The following TTN variants were observed in gnomAD, a reference collection of about 807,000 sequenced individuals.
TTN encodes titin.
Under a neutral mutation model 3,223.0 loss-of-function variants are expected in TTN, and 1,525 were observed. The observed-to-expected ratio is 0.47, with a 90% confidence interval of 0.45 to 0.49. The LOEUF is 0.49. Ranked by LOEUF, TTN falls within the 20% of genes least tolerant of loss-of-function variation. The probability of loss-of-function intolerance (pLI) is 0.00; values close to 1 mark genes in which losing one functional copy is unlikely to be tolerated. For synonymous variants in TTN, 14,094 were observed against 15,161.0 expected, an observed-to-expected ratio of 0.93 and a Z score of 5.17; for missense variants, 40,786 against 43,424.0, an observed-to-expected ratio of 0.94 and a Z score of 5.40.
Position 178,573,466 on chromosome 2 carries a change from G to A in TTN, c.72666C>T (p.Pro24222=), listed in dbSNP as rs1575775240. The A allele has an allele frequency of 1.3e-6, 2 of 1,509,928 alleles. No individual in the cohort carries two copies. The highest frequency in any genetic ancestry group is 4.6e-5 in the East Asian group (2 of 43,504). The allele number at this position is 1,509,928 out of a possible 1,614,324, so 93.5% of individuals were successfully genotyped here. Residue 24222 remains proline, a synonymous_variant, in exon 326 of 363, where the codon CCC becomes CCT. Transcript: ENST00000589042. ...CTTCAGGGTTTTTGGGCGGATCAGGGGGTCCATAAGGATTCACTGCAAGCA... is the reference window on the plus strand; with the variant it reads ...CTTCAGGGTTTTTGGGCGGATCAGGAGGTCCATAAGGATTCACTGCAAGCA... ...EPVLAVNPYG[P]PDPPKNPEVT...
intron 250 of TTN, chr2:178,619,069 G>T (rs2057848827): frequency 3.2e-6 from 2 of 621,952 alleles, no homozygotes; most frequent in Non-Finnish European, 5.3e-6. Flanking sequence ...ATTGAGAATG[G>T]CATAAAATCA....
intron 47 of TTN, chr2:178,745,205 G>A (rs970581045): frequency 1.2e-5 from 12 of 1,036,046 alleles, no homozygotes; most frequent in African/African-American, 6.8e-5. Flanking sequence ...CATCTGATAT[G>A]GTCTCCACTT....
At position 178,753,179 on chromosome 2, in the gene TTN, A is replaced by G. The variant is rs375859088; in HGVS notation, c.11256T>C (p.Ala3752=). 5.0e-6 allele frequency: 8 copies of G among 1,607,134 alleles called. No individual in the cohort carries two copies. Among genetic ancestry groups the G allele is most frequent in the Non-Finnish European group, 6.8e-6 (8 of 1,175,654 alleles). The change falls in exon 47 of 363, where the codon GCT becomes GCC. Residue 3752 remains alanine (A), a splice_region_variant and synonymous_variant. Transcript: ENST00000589042. ...TTSAVLSVEG[A]PESILHERIE... is the part of the protein sequence containing the mutation. Reference sequence around the variant, plus strand: ...TCCTCTCATGCAAAATTGATTCAGGAGCTAAAATAGAAAAACATATAAAGA... The same window carrying G: ...TCCTCTCATGCAAAATTGATTCAGGGGCTAAAATAGAAAAACATATAAAGA...
Position 178,583,006 on chromosome 2 carries a change from C to T in TTN, c.65797G>A (p.Asp21933Asn), listed in dbSNP as rs1453626597. ...LFSVNRKDSGDYTITAENSSG... is the reference protein window; with the variant it reads ...LFSVNRKDSGNYTITAENSSG... ...GAATTTTCAGCAGTAATGGTATAGT[C>T]TCCTGAGTCCTTCCGGTTCACGCTG... Residue 21933 changes from aspartate to asparagine, a missense_variant, in exon 313 of 363, where the codon GAC becomes AAC. Transcript: ENST00000589042. 6.3e-7 allele frequency: 1 copy of T among 1,599,766 alleles called. No homozygotes were observed. The highest frequency in any genetic ancestry group is 1.7e-5 in the Admixed American group (1 of 59,044).
Position 178,531,530 on chromosome 2 carries a change from A to G in TTN, c.105085T>C (p.Leu35029=), listed in dbSNP as rs374678473. The change falls in exon 358 of 363, where the codon TTG becomes CTG. Residue 35029 remains leucine (L), a synonymous_variant. Coordinates refer to ENST00000589042, the MANE Select transcript of TTN (RefSeq NM_001267550.2). ...GTATAATCCCCTCCTGTCACGTCCA[A>G]CGTTGCATAGTCAGAAGCTTCGCCC... The part of the protein sequence containing the change: ...YKGEASDYAT[L]DVTGGDYTTY... The G allele has an allele frequency of 1.2e-4, 188 of 1,613,874 alleles. 1 individual carries two copies. The highest frequency in any genetic ancestry group is 1.2e-3 in the South Asian group (106 of 91,078).
Position 178,536,192 on chromosome 2 carries a change from C to G in TTN, c.100555G>C (p.Val33519Leu). The part of the protein sequence containing the change: ...YQSNATLVCK[V>L]TGHPKPIVKW... ...ACGATAGGTTTTGGATGACCAGTCA[C>G]TTTGCAGACCAAGGTAGCATTGCTC... The change falls in exon 357 of 363, where the codon GTG becomes CTG. Residue 33519 changes from valine (V) to leucine (L), a missense_variant. Transcript: ENST00000589042. 2 of 1,613,508 alleles carry G rather than the reference C, an allele frequency of 1.2e-6. No individual in the cohort carries two copies. Among genetic ancestry groups the G allele is most frequent in the Non-Finnish European group, 1.7e-6 (2 of 1,179,606 alleles).
At position 178,547,791 on chromosome 2, in the gene TTN, T is replaced by A; in HGVS notation, c.93835A>T (p.Met31279Leu). ...AAGTATCTTCCAGAGTCACCTCTCA[T>A]GCTGTCCTTTACAGTCAGTGTGGTT... ...DRTTLTVKDSMRGDSGRYFLT... is the reference protein window; with the variant it reads ...DRTTLTVKDSLRGDSGRYFLT... Residue 31279 changes from methionine (M) to leucine (L), a missense_variant, in exon 339 of 363, where the codon ATG becomes TTG. By Grantham distance (15) the Met-to-Leu change is conservative. Transcript: ENST00000589042. 6.2e-7 allele frequency: 1 copy of A among 1,613,940 alleles called. No homozygotes were observed. Among genetic ancestry groups the A allele is most frequent in the East Asian group, 2.2e-5 (1 of 44,860 alleles).
At position 178,614,165 on chromosome 2, in the gene TTN, T is replaced by C; in HGVS notation, c.49232A>G (p.Lys16411Arg). ...LSSTVKDTNF[K>R]ATKLIPNKEY... ...TTTATTGGGGATTAATTTGGTGGCC[T>C]TGAAGTTTGTATCCTTGACGGTGGA... Residue 16411 changes from lysine (K) to arginine (R), a missense_variant, in exon 262 of 363, where the codon AAG (lysine) becomes AGG (arginine). Lys to Arg is a conservative substitution (Grantham distance 26). Coordinates refer to ENST00000589042, the MANE Select transcript of TTN (RefSeq NM_001267550.2). 1 of 1,612,500 alleles carries C rather than the reference T, an allele frequency of 6.2e-7. No individual in the cohort carries two copies. The highest frequency in any genetic ancestry group is 8.5e-7 in the Non-Finnish European group (1 of 1,179,220).
In TTN at chr2:178,593,474, C is replaced by T; in HGVS notation, c.58734G>A (p.Arg19578=). 1 of 1,604,966 alleles carries T rather than the reference C, an allele frequency of 6.2e-7. No individual in the cohort carries two copies. Among genetic ancestry groups the T allele is most frequent in the Non-Finnish European group, 8.5e-7 (1 of 1,177,950 alleles). ...SDSMKAKDRF[R]VPDAPDQPIV... Reference sequence around the variant, plus strand: ...TTGGCTGATCAGGTGCATCAGGAACCCCTGTAACAAATGTTGGAAAATGCG... The same window carrying T: ...TTGGCTGATCAGGTGCATCAGGAACTCCTGTAACAAATGTTGGAAAATGCG... The change falls in exon 299 of 363, where the codon AGG becomes AGA. Residue 19578 remains arginine, a splice_region_variant and synonymous_variant. Transcript: ENST00000589042.
chr2:178,803,590 TAGAAAAAAAG>T (rs915699366), intron 2 of TTN, among the ~76,000 whole-genome samples: 6 of 151,402 alleles, frequency 4.0e-5, no homozygotes, highest in Non-Finnish European at 8.8e-5. Flanking sequence ...GTGCATATAA[TAGAAAAAAAG>T]AGAAAAAAAG....
Position 178,607,125 on chromosome 2 carries a change from C to CTAA in TTN, c.53476_53477insTTA (p.Gly17826delinsValSer). The stretch of plus-strand genomic sequence containing the variant: ...CTTATATTCTTGTCCCTCAAGCAGA[C>CTAA]CTGTGATGTCACATTTAGATCTCTC... On this transcript the variant is annotated protein_altering_variant, in exon 278 of 363. Coordinates refer to ENST00000589042, the MANE Select transcript of TTN (RefSeq NM_001267550.2). 6.2e-7 allele frequency: 1 copy of CTAA among 1,612,876 alleles called. No homozygotes were observed. Among genetic ancestry groups the CTAA allele is most frequent in the Admixed American group, 1.7e-5 (1 of 59,966 alleles).
rs529233440 is a variant in TTN at position 178,649,244 on chromosome 2, G to A, written c.40057+4C>T. 1.8e-4 allele frequency: 272 copies of A among 1,500,210 alleles called. No individual in the cohort carries two copies. The highest frequency in any genetic ancestry group is 2.1e-4 in the Non-Finnish European group (240 of 1,129,654). The allele number at this position is 1,500,210 out of a possible 1,614,324, so 92.9% of individuals were successfully genotyped here. On this transcript the variant is annotated splice_donor_region_variant and intron_variant, in intron 213 of 362. Coordinates refer to ENST00000589042, the MANE Select transcript of TTN (RefSeq NM_001267550.2). ...GAAATCTATTTTTTCTTCATGGTAG[G>A]TACCTTTTTCTGGAAGAACTTCTGG...
At position 178,568,053 on chromosome 2, in the gene TTN, G is replaced by A; in HGVS notation, c.78079C>T (p.Leu26027=). Residue 26027 remains leucine, a synonymous_variant, in exon 326 of 363, where the codon CTG becomes TTG. Coordinates refer to ENST00000589042, the MANE Select transcript of TTN (RefSeq NM_001267550.2). ...NGGSPVIGYH[L]ERKERNSILW... The stretch of plus-strand genomic sequence containing the variant: ...ATACTGTTTCTTTCTTTTCTCTCCA[G>A]GTGGTAACCTATGACGGGGCTTCCA... The A allele has an allele frequency of 6.2e-7, 1 of 1,613,294 alleles. No homozygotes were observed. Among genetic ancestry groups the A allele is most frequent in the Non-Finnish European group, 8.5e-7 (1 of 1,179,576 alleles).
chr2:178,537,543 C>T lies in TTN; in HGVS notation c.99664G>A (p.Gly33222Ser), dbSNP rs926931010. The T allele has an allele frequency of 3.7e-6, 6 of 1,613,564 alleles. No individual in the cohort carries two copies. The African/African-American group carries it at 8.0e-5, about 22-fold the overall frequency. ...CAAGTCATGGCAGGTACTGGACGAC[C>T]AATGTACATAACATGAAGCCGAAGT... is the stretch of plus-strand genomic sequence containing the variant. ...STLRLHVMYI[G>S]RPVPAMTWFH... Residue 33222 changes from glycine (G) to serine (S), a missense_variant, in exon 355 of 363, where the codon GGT becomes AGT. Coordinates refer to ENST00000589042, the MANE Select transcript of TTN (RefSeq NM_001267550.2).
chr2:178,614,337 G>A lies in TTN; in HGVS notation c.49060C>T (p.Pro16354Ser), dbSNP rs747402071. The A allele has an allele frequency of 4.7e-5, 76 of 1,612,204 alleles. No homozygotes were observed. The highest frequency in any genetic ancestry group is 7.7e-5 in the South Asian group (7 of 90,970). ...VEVNVLDKPG[P>S]PAAFDITDVT... ...TCTGTGATGTCAAAGGCAGCTGGTG[G>A]TCCGGGTTTATCTGTGTATGGCATT... is the stretch of plus-strand genomic sequence containing the variant. Residue 16354 changes from proline (P) to serine (S), a missense_variant, in exon 262 of 363, where the codon CCA becomes TCA. Coordinates refer to ENST00000589042, the MANE Select transcript of TTN (RefSeq NM_001267550.2).
At chr2:178,747,070 T>G in intron 47 of TTN, 2 of 1,612,640 alleles carry the variant, frequency 1.2e-6, no homozygotes, top group Non-Finnish European at 1.7e-6. Context: ...GTGCCTCCCC[T>G]GGGGGTGTGG....
intron 47 of TTN, chr2:178,751,551 G>A (rs1345888183): frequency 1.2e-6 from 2 of 1,613,222 alleles, no homozygotes; most frequent in Admixed American, 3.3e-5. Flanking sequence ...ACATTTTCAT[G>A]TGTCCGTTCT....
chr2:178,739,889 T>A lies in TTN; in HGVS notation c.13344A>T (p.Ala4448=), dbSNP rs1409283526. 6.2e-7 allele frequency: 1 copy of A among 1,613,924 alleles called. No homozygotes were observed. The highest frequency in any genetic ancestry group is 1.3e-5 in the African/African-American group (1 of 75,062). ...TGGTTACTTCTTCTGTTACAGACTTTGCCGAAGTAACAAGGTACATGCACA... is the reference window on the plus strand; with the variant it reads ...TGGTTACTTCTTCTGTTACAGACTTAGCCGAAGTAACAAGGTACATGCACA... ...HIMCMYLVTS[A]KSVTEEVTII... Residue 4448 remains alanine (A), a synonymous_variant, in exon 48 of 363, where the codon GCA becomes GCT. Transcript: ENST00000589042.
At chr2:178,612,017 C>T in intron 267 of TTN, 40 bp downstream of exon 267, 1 of 1,602,662 alleles carries the variant, frequency 6.2e-7, no homozygotes, top group Non-Finnish European at 8.5e-7. Flanking sequence ...AATTTGCAGC[C>T]AAGTGTAAGT....
Sources: gnomAD v4.1 joint callset for allele counts (sites outside exome capture counted in the v4.1 genomes callset) on GRCh38, gnomAD v4.1.1 for gene constraint, MANE v1.5 for transcripts, NCBI Gene and HGNC (gene_info 2026-07-23, HGNC 2026-07-21) for gene names.